Variants in SESTD1 observed in about 807,000 individuals in gnomAD.
SESTD1 encodes the protein SEC14 domain and spectrin repeat-containing protein 1.
A neutral mutation model predicts 101.7 loss-of-function variants in SESTD1; 43 were observed. That is an observed-to-expected ratio of 0.42 (90% CI 0.33 to 0.55). The LOEUF is 0.55. SESTD1 is among the 20% of genes least tolerant of loss of function. The pLI, the probability that SESTD1 is intolerant of heterozygous loss-of-function variation, is 0.07. For missense variants in SESTD1, 647 were observed against 815.1 expected (o/e 0.79, Z 2.51); for synonymous variants, 283 against 286.8 (o/e 0.99, Z 0.13).
rs1485661626 is a variant in SESTD1 at position 179,107,198 on chromosome 2, T to A, written c.*2701A>T. 6.6e-6 allele frequency: 1 copy of A among 152,162 alleles called. No individual in the cohort carries two copies. The highest frequency in any genetic ancestry group is 2.4e-5 in the African/African-American group (1 of 41,446). 9.4% of individuals were successfully genotyped at this position (152,162 alleles called of 1,614,324 possible). ...TTACCTTAAGTGAGCTTTGACCCTATGGAAGAAAGTTGCTTTAGGGCATTA... is the reference window on the plus strand; with the variant it reads ...TTACCTTAAGTGAGCTTTGACCCTAAGGAAGAAAGTTGCTTTAGGGCATTA... On this transcript the variant is annotated 3_prime_UTR_variant, in exon 18 of 18. Transcript: ENST00000428443.
At chr2:179,114,448 G>T (rs1185564479) in intron 16 of SESTD1, among the ~76,000 whole-genome samples, 1 of 152,114 alleles carries the variant, frequency 6.6e-6, no homozygotes, top group East Asian at 1.9e-4. Flanking sequence ...GATATGTAAG[G>T]CTTGGGTAGA....
At position 179,264,639 on chromosome 2, in the gene SESTD1, A is replaced by AGCGGCG. The variant is rs1559168935; in HGVS notation, c.-167_-166insCGCCGC. 2.0e-5 allele frequency: 3 copies of AGCGGCG among 151,330 alleles called. No homozygotes were observed. In the South Asian group the frequency reaches 5.3e-4, roughly 27 times the overall value. The allele number at this position is 151,330 out of a possible 1,614,324, so 9.4% of individuals were successfully genotyped here. ...CGGAGCGGGCCCGGGCGGCGGCGGCAGCAGCGGCGACGGCTGCGGCTCCAG... is the reference window on the plus strand; with the variant it reads ...CGGAGCGGGCCCGGGCGGCGGCGGCAGCGGCGGCAGCGGCGACGGCTGCGGCTCCAG... On this transcript the variant is annotated 5_prime_UTR_variant, in exon 1 of 18. Coordinates refer to ENST00000428443, the MANE Select transcript of SESTD1 (RefSeq NM_178123.5).
At chr2:179,192,194 G>A (rs913405697) in intron 1 of SESTD1, among the ~76,000 whole-genome samples, 5 of 152,040 alleles carry the variant, frequency 3.3e-5, no homozygotes, top group Non-Finnish European at 5.9e-5. Context: ...AGCAATACTC[G>A]GGCTAAAACA....
chr2:179,148,856 C>G (rs10173710), intron 7 of SESTD1, among the ~76,000 whole-genome samples: 35,161 of 151,710 alleles, frequency 0.23, 4,340 homozygotes, highest in South Asian at 0.42. Context: ...GTCAGGAGAT[C>G]GAGACCATTC....
chr2:179,249,259 C>T (rs996485999), intron 1 of SESTD1, among the ~76,000 whole-genome samples: 3 of 148,944 alleles, frequency 2.0e-5, no homozygotes, highest in Non-Finnish European at 4.4e-5. Context: ...AAATAATTGC[C>T]TATGTAGGAA....
chr2:179,247,382 T>C (rs1239976719), intron 1 of SESTD1, among the ~76,000 whole-genome samples: 3 of 152,174 alleles, frequency 2.0e-5, no homozygotes, highest in African/African-American at 7.2e-5. Flanking sequence ...AACTCAGCTT[T>C]AGAAGATGGA....
At chr2:179,170,956 G>T (rs2045920421) in intron 5 of SESTD1, among the ~76,000 whole-genome samples, 1 of 152,144 alleles carries the variant, frequency 6.6e-6, no homozygotes, top group African/African-American at 2.4e-5. Context: ...TTTATATAAA[G>T]CCAGTAAATG....
chr2:179,143,954 A>G, intron 8 of SESTD1, 151 bp from the exon 9 acceptor site: 1 of 724,832 alleles, frequency 1.4e-6, no homozygotes, highest in Non-Finnish European at 2.2e-6. Context: ...TATGTATCAC[A>G]ATAAGTAGGA....
chr2:179,218,005 G>A (rs886415663), intron 1 of SESTD1, among the ~76,000 whole-genome samples: 1 of 152,068 alleles, frequency 6.6e-6, no homozygotes, highest in Admixed American at 6.6e-5. Flanking sequence ...GGGGAGGGAT[G>A]GCATTAGGAG....
chr2:179,208,978 T>G (rs1435045211), intron 1 of SESTD1, among the ~76,000 whole-genome samples: 1 of 134,758 alleles, frequency 7.4e-6, no homozygotes, highest in Non-Finnish European at 1.6e-5. Context: ...CTTCAAGAGA[T>G]TCAACTGACA....
At position 179,212,152 on chromosome 2, in the gene SESTD1, G is replaced by C. The variant is rs1438771212; in HGVS notation, c.-25-20286C>G. Among the ~76,000 whole-genome samples the C allele has an allele frequency of 1.5e-5, 2 of 134,930 alleles. 1 individual carries two copies. The highest frequency in any genetic ancestry group is 3.2e-5 in the Non-Finnish European group (2 of 62,774). The allele number at this position is 134,930 out of a possible 152,430, so 88.5% of individuals were successfully genotyped here. ...TCATCTCACTGGGACTGGCTGGACAGTCAGTGTAGCACATGGAGGGCAAGC... is the reference window on the plus strand; with the variant it reads ...TCATCTCACTGGGACTGGCTGGACACTCAGTGTAGCACATGGAGGGCAAGC... On this transcript the variant is annotated intron_variant, in intron 1 of 17. Transcript: ENST00000428443.
intron 13 of SESTD1, 93 bp from the exon 14 acceptor site, chr2:179,117,706 C>G (rs917475580): frequency 1.0e-6 from 1 of 967,002 alleles, no homozygotes; most frequent in Non-Finnish European, 1.5e-6. Flanking sequence ...TTATAGTACA[C>G]TAAAATACTT....
Position 179,229,617 on chromosome 2 carries a change from A to G in SESTD1, c.-26+34882T>C, listed in dbSNP as rs572382770. ...TCTCTGGAGAGCCCTGAGTAATACA[A>G]ACAAGGACGGCGGTAAAAAGAAAAT... On this transcript the variant is annotated intron_variant, in intron 1 of 17. Transcript: ENST00000428443. Among the ~76,000 whole-genome samples, 8 of 152,024 alleles carry G rather than the reference A, an allele frequency of 5.3e-5. No individual in the cohort carries two copies. The South Asian group carries it at 8.3e-4, about 16-fold the overall frequency.
chr2:179,244,226 G>C (rs896609983), intron 1 of SESTD1, among the ~76,000 whole-genome samples: 2 of 152,084 alleles, frequency 1.3e-5, no homozygotes, highest in South Asian at 4.1e-4. Flanking sequence ...TGAGGCCAAG[G>C]CAGGTGAATT....
intron 1 of SESTD1, among the ~76,000 whole-genome samples, chr2:179,251,401 A>G (rs1181341560): frequency 6.6e-6 from 1 of 152,252 alleles, no homozygotes; most frequent in Non-Finnish European, 1.5e-5. Context: ...AAGTACAAGA[A>G]TAACAATGGT....
chr2:179,203,382 GT>G lies in SESTD1; in HGVS notation c.-25-11517del, dbSNP rs1215785581. On this transcript the variant is annotated intron_variant, in intron 1 of 17. Coordinates refer to ENST00000428443, the MANE Select transcript of SESTD1 (RefSeq NM_178123.5). ...GCAGTACCACCCATGACACCCAGGAGTTCAAGACCAACCTGGGCAACATGGC... is the reference window on the plus strand; with the variant it reads ...GCAGTACCACCCATGACACCCAGGAGTCAAGACCAACCTGGGCAACATGGC... Among the ~76,000 whole-genome samples the G allele has an allele frequency of 3.7e-5, 5 of 133,728 alleles. 1 individual carries two copies. The highest frequency in any genetic ancestry group is 6.4e-5 in the Non-Finnish European group (4 of 62,482). The allele number at this position is 133,728 out of a possible 152,430, so 87.7% of individuals were successfully genotyped here. A position where few individuals can be genotyped will look rare whatever the true frequency, so the allele number is the denominator to read the frequency against.
chr2:179,144,380 T>A (rs1291936090), intron 8 of SESTD1, among the ~76,000 whole-genome samples: 1 of 151,988 alleles, frequency 6.6e-6, no homozygotes, highest in Non-Finnish European at 1.5e-5. Flanking sequence ...ATTTATATAA[T>A]CTCTATTTAT....
chr2:179,168,732 A>C (rs372831089), intron 5 of SESTD1, among the ~76,000 whole-genome samples: 3 of 152,272 alleles, frequency 2.0e-5, no homozygotes, highest in Admixed American at 2.0e-4. Context: ...GGCATAAATG[A>C]AAGTAAATAT....
intron 1 of SESTD1, among the ~76,000 whole-genome samples, chr2:179,226,849 A>C (rs1183324555): frequency 2.0e-5 from 3 of 152,196 alleles, no homozygotes; most frequent in Non-Finnish European, 4.4e-5. Flanking sequence ...AATGCGCAAT[A>C]AATATTTGTT....
Sources: gnomAD v4.1 joint callset for allele counts (sites outside exome capture counted in the v4.1 genomes callset) on GRCh38, gnomAD v4.1.1 for gene constraint, MANE v1.5 for transcripts, NCBI Gene and HGNC (gene_info 2026-07-23, HGNC 2026-07-21) for gene names.